Variants in SLC6A4 observed in about 807,000 individuals in gnomAD.
SLC6A4 encodes solute carrier family 6 member 4, also known as sodium-dependent serotonin transporter.
In SLC6A4, 22 loss-of-function variants were observed where a neutral mutation model predicts 73.4. The observed-to-expected ratio is 0.30, with a 90% CI of 0.21 to 0.43. The LOEUF is 0.43. Among genes scored for constraint, SLC6A4 ranks in the 20% least tolerant of loss-of-function variants. The pLI is 1.00. For synonymous variants in SLC6A4, 270 were observed against 315.5 expected, an observed-to-expected ratio of 0.86 and a Z score of 1.53; for missense variants, 593 against 808.5, an observed-to-expected ratio of 0.73 and a Z score of 3.23.
At position 30,214,656 on chromosome 17, in the gene SLC6A4, G is replaced by A. The variant is rs1411480779; in HGVS notation, c.1076+955C>T. On this transcript the variant is annotated intron_variant, in intron 8 of 14. Transcript: ENST00000650711. ...TTTCTTTTTTTTTTTTTTTTTTGAT[G>A]GAATCTCACTCTGTCGCCCAGGCTG... Among the ~76,000 whole-genome samples the A allele has an allele frequency of 1.9e-4, 23 of 118,026 alleles. No individual in the cohort carries two copies. In the East Asian group the frequency reaches 5.3e-3, roughly 27 times the overall value. The allele number at this position is 118,026 out of a possible 152,430, so 77.4% of individuals were successfully genotyped here.
Position 30,211,587 on chromosome 17 carries a change from G to A in SLC6A4, c.1205-163C>T, listed in dbSNP as rs573740212. Among the ~76,000 whole-genome samples, 14 of 152,296 alleles carry A rather than the reference G, an allele frequency of 9.2e-5. No individual in the cohort carries two copies. Among genetic ancestry groups the A allele is most frequent in the East Asian group, 1.9e-4 (1 of 5,180 alleles). ...CAAGTGCGTCCTCACACTCTACTCCGTCTGACGTGGCCACCCCAGTTCCTG... is the reference window on the plus strand; with the variant it reads ...CAAGTGCGTCCTCACACTCTACTCCATCTGACGTGGCCACCCCAGTTCCTG... On this transcript the variant is annotated intron_variant, in intron 9 of 14. Transcript: ENST00000650711. The surrounding 1 kb of genome is among the most constrained non-coding windows in gnomAD (Gnocchi z 4.0).
At chr17:30,209,282 G>A in intron 11 of SLC6A4, 40 bp from the exon 12 acceptor site, 1 of 1,278,772 alleles carries the variant, frequency 7.8e-7, no homozygotes, top group Non-Finnish European at 1.1e-6. Flanking sequence ...GCCCTCCAAG[G>A]AGCCACCCCT....
In SLC6A4 at chr17:30,217,169, G is replaced by T; in HGVS notation, c.834C>A (p.Gly278=). The change falls in exon 6 of 15, where the codon GGC becomes GGA. Residue 278 remains glycine (G), a synonymous_variant. Coordinates refer to ENST00000650711, the MANE Select transcript of SLC6A4 (RefSeq NM_001045.6). Reference sequence around the variant, plus strand: ...CAGCAGCCAGAGCCTTCCTCACCTTGCCAGAGGTCTTGACGCCTTTCCAGA... The same window carrying T: ...CAGCAGCCAGAGCCTTCCTCACCTTTCCAGAGGTCTTGACGCCTTTCCAGA... ...FSIWKGVKTS[G]KVVWVTATFP... is the part of the protein sequence containing the mutation. The T allele has an allele frequency of 1.2e-6, 2 of 1,613,648 alleles. No homozygotes were observed.
chr17:30,233,980 G>C (rs1907193577), intron 1 of SLC6A4, among the ~76,000 whole-genome samples: 1 of 152,188 alleles, frequency 6.6e-6, no homozygotes, highest in Non-Finnish European at 1.5e-5. Flanking sequence ...GCAAGCACCT[G>C]CTGTAAGAAA....
At position 30,194,609 on chromosome 17, in the gene SLC6A4, TTTC is replaced by T. The variant is rs1314333847; in HGVS notation, c.*3844_*3846del. ...AAAATATGAATTTTTAATATATCAT[TTTC>T]TTAAGATAAAGTACACCTTTAATTT... On this transcript the variant is annotated 3_prime_UTR_variant, in exon 15 of 15. Transcript: ENST00000650711. 2 of 152,318 alleles carry T rather than the reference TTTC, an allele frequency of 1.3e-5. No individual in the cohort carries two copies. The highest frequency in any genetic ancestry group is 1.3e-4 in the Admixed American group (2 of 15,294). The allele number at this position is 152,318 out of a possible 1,614,324, so 9.4% of individuals were successfully genotyped here.
intron 14 of SLC6A4, among the ~76,000 whole-genome samples, chr17:30,202,613 C>T (rs1906073205): frequency 6.6e-6 from 1 of 152,168 alleles, no homozygotes; most frequent in Non-Finnish European, 1.5e-5. Context: ...GCATTCATTA[C>T]CGAAATGAAT....
At chr17:30,218,367 G>C in intron 4 of SLC6A4, 30 bp from the exon 5 acceptor site, 1 of 1,579,506 alleles carries the variant, frequency 6.3e-7, no homozygotes. Flanking sequence ...GAGAGACAGA[G>C]GCCGAGTTTA....
chr17:30,215,020 C>A (rs1028941270), intron 8 of SLC6A4, among the ~76,000 whole-genome samples: 1 of 24,470 alleles, frequency 4.1e-5, no homozygotes, highest in African/African-American at 1.0e-4. Context: ...TTCTTTCTTT[C>A]TTTTTTCTTT....
intron 5 of SLC6A4, 135 bp from the exon 6 acceptor site, chr17:30,217,439 G>T: frequency 1.2e-6 from 1 of 809,068 alleles, no homozygotes; most frequent in Non-Finnish European, 1.9e-6. Flanking sequence ...CTGAGGCCCA[G>T]GAAGAGCTGG....
In SLC6A4 at chr17:30,209,201, C is replaced by G. The variant is rs967619325; in HGVS notation, c.1491G>C (p.Thr497=). ...GCGCGACAGTGAGCACTGCGGGCCC[C>G]GTGGCATACTCCTCCAGCAGCTTCA... ...YVVKLLEEYA[T]GPAVLTVALI... Residue 497 remains threonine (T), a synonymous_variant, in exon 12 of 15, where the codon ACG becomes ACC. Transcript: ENST00000650711. The G allele has an allele frequency of 6.2e-7, 1 of 1,613,818 alleles. No homozygotes were observed. Among genetic ancestry groups the G allele is most frequent in the Non-Finnish European group, 8.5e-7 (1 of 1,179,846 alleles).
rs551683372 is a variant in SLC6A4, at chr17:30,221,046, G to A, written c.343+570C>T. 5.0e-4 allele frequency among the ~76,000 whole-genome samples: 72 copies of A among 144,442 alleles called. 1 individual carries two copies. The highest frequency in any genetic ancestry group is 1.8e-3 in the African/African-American group (70 of 38,202). The allele number at this position is 144,442 out of a possible 152,430, so 94.8% of individuals were successfully genotyped here. ...GGCTGGAGTGCAGTGGTGCCATCTC[G>A]GCTCACTGCAACCTCCACCTCCCAG... On this transcript the variant is annotated intron_variant, in intron 3 of 14. Transcript: ENST00000650711.
At chr17:30,230,098 G>GAAGAAGAAGAAGAAGAAGAAGAAGAAGAA (rs1555591454) in intron 1 of SLC6A4, among the ~76,000 whole-genome samples, 4 of 89,624 alleles carry the variant, frequency 4.5e-5, no homozygotes, top group South Asian at 4.0e-4. Context: ...AAGAAGAAGA[G>GAAGAAGAAGAAGAAGAAGAAGAAGAAGAA]GAGGAAGAGG....
Position 30,217,210 on chromosome 17 carries a change from C to T in SLC6A4, c.793G>A (p.Val265Ile), listed in dbSNP as rs745784773. 1.2e-6 allele frequency: 2 copies of T among 1,614,054 alleles called. No individual in the cohort carries two copies. Among genetic ancestry groups the T allele is most frequent in the East Asian group, 4.5e-5 (2 of 44,886 alleles). Residue 265 changes from valine (V) to isoleucine (I), a missense_variant, in exon 6 of 15, where the codon GTT becomes ATT. Coordinates refer to ENST00000650711, the MANE Select transcript of SLC6A4 (RefSeq NM_001045.6). ...CCTTTCCAGATGCTGAAGTAGATAA[C>T]AGTGAAGATCAGCATGATGCAGAGG... is the stretch of plus-strand genomic sequence containing the variant. ...LALCIMLIFT[V>I]IYFSIWKGVK...
chr17:30,204,211 T>A (rs533101485), intron 13 of SLC6A4: 1 of 152,388 alleles, frequency 6.6e-6, no homozygotes, highest in South Asian at 2.1e-4. Context: ...TTGTTATTGC[T>A]GTTGATTTAA....
chr17:30,219,104 G>A (rs769977874), intron 3 of SLC6A4, among the ~76,000 whole-genome samples, 173 bp from the exon 4 acceptor site: 10 of 152,280 alleles, frequency 6.6e-5, no homozygotes, highest in South Asian at 4.1e-4. Flanking sequence ...AGAAGCAGTC[G>A]TAGGGGGAGC....
At chr17:30,205,193 T>C (rs541545421) in intron 13 of SLC6A4, among the ~76,000 whole-genome samples, 1 of 152,178 alleles carries the variant, frequency 6.6e-6, no homozygotes, top group Non-Finnish European at 1.5e-5. Context: ...TTTTAAAAAA[T>C]ATTGTGTGAA....
chr17:30,212,887 G>C lies in SLC6A4; in HGVS notation c.1077-20C>G. 6.2e-7 allele frequency: 1 copy of C among 1,613,676 alleles called. No individual in the cohort carries two copies. Among genetic ancestry groups the C allele is most frequent in the Non-Finnish European group, 8.5e-7 (1 of 1,179,836 alleles). The stretch of plus-strand genomic sequence containing the variant: ...GCATCTCTGGAGGGGAAAACCCAAG[G>C]GGCCGCCTGAGACAGTTCCAAGATC... On this transcript the variant is annotated intron_variant, in intron 8 of 14. Coordinates refer to ENST00000650711, the MANE Select transcript of SLC6A4 (RefSeq NM_001045.6).
At chr17:30,199,311 G>C (rs939591854) in intron 14 of SLC6A4, among the ~76,000 whole-genome samples, 6 of 148,532 alleles carry the variant, frequency 4.0e-5, no homozygotes, top group Non-Finnish European at 8.9e-5. Context: ...CAGGGATATA[G>C]AGGAGAAAAA....
At chr17:30,207,420 C>T (rs1028483688) in intron 13 of SLC6A4, among the ~76,000 whole-genome samples, 7 of 152,166 alleles carry the variant, frequency 4.6e-5, no homozygotes, top group Non-Finnish European at 7.4e-5. Flanking sequence ...TAGAGTCTCA[C>T]TTTGTCACCC....
Sources: allele counts gnomAD v4.1 joint callset (sites outside exome capture counted in the v4.1 genomes callset), GRCh38; gene constraint gnomAD v4.1.1; non-coding constraint Gnocchi (gnomAD v3.1); transcripts MANE v1.5; gene names NCBI Gene and HGNC (gene_info 2026-07-23, HGNC 2026-07-21).